Variants in FBXO42 observed in about 807,000 individuals in gnomAD.
The protein encoded by FBXO42 is F-box protein 42, also known as F-box only protein 42.
FBXO42 carries 12 observed loss-of-function variants against 71.7 expected under a neutral mutation model. The observed-to-expected ratio is 0.17, with a 90% CI of 0.11 to 0.27. The LOEUF (loss-of-function observed/expected upper bound fraction) is 0.27. Ranked by LOEUF, FBXO42 falls within the 10% of genes least tolerant of loss-of-function variation. FBXO42 has a pLI of 1.00. For missense variants in FBXO42, 707 were observed against 911.9 expected, an observed-to-expected ratio of 0.78 and a Z score of 2.89; for synonymous variants, 325 against 327.5, an observed-to-expected ratio of 0.99 and a Z score of 0.08.
At chr1:16,349,344 T>C (rs555691143) in intron 1 of FBXO42, among the ~76,000 whole-genome samples, 3 of 152,196 alleles carry the variant, frequency 2.0e-5, no homozygotes, top group Non-Finnish European at 2.9e-5. Context: ...CCATACTATA[T>C]GCAACTTCAG....
chr1:16,296,728 T>C (rs1370113356), intron 3 of FBXO42, among the ~76,000 whole-genome samples: 1 of 151,576 alleles, frequency 6.6e-6, no homozygotes, highest in African/African-American at 2.4e-5. Flanking sequence ...ATGGCTTTAA[T>C]GATCATCTAG....
intron 4 of FBXO42, among the ~76,000 whole-genome samples, chr1:16,271,480 C>T (rs1216616586): frequency 6.6e-6 from 1 of 151,886 alleles, no homozygotes; most frequent in Admixed American, 6.6e-5. Context: ...GGGGTTTCAC[C>T]ATGTTGGCCA....
At chr1:16,328,545 G>A (rs1041885287) in intron 1 of FBXO42, among the ~76,000 whole-genome samples, 1 of 152,148 alleles carries the variant, frequency 6.6e-6, no homozygotes, top group Non-Finnish European at 1.5e-5. Context: ...GGATTAGAGT[G>A]GGAGACAGGA....
At chr1:16,288,991 ACTG>A (rs960830218) in intron 4 of FBXO42, among the ~76,000 whole-genome samples, 5 of 151,434 alleles carry the variant, frequency 3.3e-5, no homozygotes, top group Admixed American at 2.6e-4. Flanking sequence ...TCAGTTTCTT[ACTG>A]ATATATGCTC....
intron 4 of FBXO42, among the ~76,000 whole-genome samples, chr1:16,256,983 T>A (rs12136429): frequency 0.27 from 41,513 of 152,022 alleles, 6,569 homozygotes; most frequent in Non-Finnish European, 0.37. Context: ...TAGAGAAAAG[T>A]TACTTAGCCT....
At chr1:16,288,198 G>A (rs1334461672) in intron 4 of FBXO42, among the ~76,000 whole-genome samples, 12 of 151,782 alleles carry the variant, frequency 7.9e-5, no homozygotes, top group Admixed American at 3.3e-4. Context: ...CCAGGAGGCC[G>A]AGGCAGACGG....
chr1:16,296,649 C>CAAAAAAAAAAAAAAAA (rs58537213), intron 3 of FBXO42, among the ~76,000 whole-genome samples: 4 of 91,328 alleles, frequency 4.4e-5, no homozygotes, highest in East Asian at 3.3e-4. Context: ...GACTCCATCT[C>CAAAAAAAAAAAAAAAA]AAAAAAAAAA....
intron 3 of FBXO42, among the ~76,000 whole-genome samples, chr1:16,299,671 G>A (rs1335123586): frequency 1.3e-5 from 2 of 152,084 alleles, no homozygotes; most frequent in African/African-American, 2.4e-5. Context: ...TTGAGATGGA[G>A]TCTCGCTCTG....
At chr1:16,276,128 T>C (rs2081900059) in intron 4 of FBXO42, among the ~76,000 whole-genome samples, 1 of 151,950 alleles carries the variant, frequency 6.6e-6, no homozygotes, top group Non-Finnish European at 1.5e-5. Context: ...ACGCCTGTAA[T>C]CCCAGCACTT....
intron 4 of FBXO42, among the ~76,000 whole-genome samples, chr1:16,287,224 C>T (rs764956704): frequency 2.6e-5 from 4 of 152,200 alleles, no homozygotes; most frequent in Non-Finnish European, 5.9e-5. Flanking sequence ...GGTCTTTGCA[C>T]TGATTATTCT....
intron 1 of FBXO42, among the ~76,000 whole-genome samples, chr1:16,328,764 T>C (rs1467060664): frequency 6.6e-6 from 1 of 152,136 alleles, no homozygotes; most frequent in African/African-American, 2.4e-5. Context: ...CCAGGGCTCC[T>C]TGGTGAAACG....
intron 3 of FBXO42, among the ~76,000 whole-genome samples, chr1:16,300,787 T>C (rs1367476135): frequency 3.3e-5 from 5 of 152,158 alleles, no homozygotes; most frequent in African/African-American, 1.2e-4. Flanking sequence ...ATGCATGATG[T>C]TGGGGACTCA....
At chr1:16,295,178 G>A (rs2082115900) in intron 3 of FBXO42, among the ~76,000 whole-genome samples, 1 of 152,082 alleles carries the variant, frequency 6.6e-6, no homozygotes, top group African/African-American at 2.4e-5. Context: ...AGTCCAGCAA[G>A]AACACATAAT....
At chr1:16,265,310 C>T (rs766153559) in intron 4 of FBXO42, among the ~76,000 whole-genome samples, 4 of 152,076 alleles carry the variant, frequency 2.6e-5, no homozygotes, top group Non-Finnish European at 5.9e-5. Context: ...AGGCTGGTCT[C>T]GAACTCCCAA....
chr1:16,318,104 A>G (rs61769853), intron 1 of FBXO42, among the ~76,000 whole-genome samples: 12,370 of 152,092 alleles, frequency 0.081, 687 homozygotes, highest in Non-Finnish European at 0.12. Context: ...TGAGCTGAAT[A>G]CTCACGCACT....
intron 1 of FBXO42, among the ~76,000 whole-genome samples, chr1:16,326,014 T>TGTG (rs2082445397): frequency 7.3e-6 from 1 of 137,420 alleles, no homozygotes; most frequent in Admixed American, 7.3e-5. Flanking sequence ...GTGCCCAAAT[T>TGTG]TGTGTGTGTG....
At chr1:16,336,908 C>G (rs183999192) in intron 1 of FBXO42, among the ~76,000 whole-genome samples, 219 of 152,128 alleles carry the variant, frequency 1.4e-3, no homozygotes, top group African/African-American at 5.1e-3. Flanking sequence ...TCACTTGAAC[C>G]CGGGAGGTGG....
Position 16,251,154 on chromosome 1 carries a change from C to A in FBXO42, c.1670G>T (p.Arg557Leu), listed in dbSNP as rs372405053. ...CGCTTTGATGGCTTCCAGACTCCGA[C>A]GCAGGGCACCTGGGGAGACGGCCCC... ...LAGAVSPGAL[R>L]RSLEAIKAMS... Residue 557 changes from arginine (R) to leucine (L), a missense_variant, in exon 10 of 10, where the codon CGT (arginine) becomes CTT (leucine). By Grantham distance (102) the Arg-to-Leu change is moderately radical. This residue lies in a region of FBXO42 where 482 missense variants were observed against 587.1 expected (regional missense o/e 0.82). Transcript: ENST00000375592. The surrounding 1 kb of genome is among the most constrained non-coding windows in gnomAD (Gnocchi z 4.5). 8.7e-5 allele frequency: 141 copies of A among 1,614,026 alleles called. 3 individuals are homozygous for A. Among genetic ancestry groups the A allele is most frequent in the Non-Finnish European group, 9.1e-5 (107 of 1,180,046 alleles).
chr1:16,252,503 G>C lies in FBXO42; in HGVS notation c.922-99C>G. 6 of 941,416 alleles carry C rather than the reference G, an allele frequency of 6.4e-6. No homozygotes were observed. The highest frequency in any genetic ancestry group is 5.1e-6 in the Non-Finnish European group (3 of 590,226). 58.3% of individuals were successfully genotyped at this position (941,416 alleles called of 1,614,324 possible). On this transcript the variant is annotated intron_variant, in intron 8 of 9. Coordinates refer to ENST00000375592, the MANE Select transcript of FBXO42 (RefSeq NM_018994.3). The surrounding 1 kb of genome is among the most constrained non-coding windows in gnomAD (Gnocchi z 4.4). ...TCTCAAAGCTCTCCTGTCTGGTCTT[G>C]AAAGGATGTGGACTCTTCAGAAGGA... is the stretch of plus-strand genomic sequence containing the variant.
Sources: allele counts gnomAD v4.1 joint callset (sites outside exome capture counted in the v4.1 genomes callset), GRCh38; gene constraint gnomAD v4.1.1; regional missense constraint gnomAD v4.1.1; non-coding constraint Gnocchi (gnomAD v3.1); transcripts MANE v1.5; gene names NCBI Gene and HGNC (gene_info 2026-07-23, HGNC 2026-07-21).